Variants in PAK2 observed in about 807,000 individuals in gnomAD.
PAK2 encodes p21 (RAC1) activated kinase 2.
In PAK2, 21 loss-of-function variants were observed where a neutral mutation model predicts 65.9. The ratio of observed to expected loss-of-function variants is 0.32; its 90% CI spans 0.23 to 0.46. The LOEUF is 0.46. PAK2 is among the 20% of genes least tolerant of loss of function. The probability of loss-of-function intolerance (pLI) is 1.00; values close to 1 mark genes in which losing one functional copy is unlikely to be tolerated. For missense variants in PAK2, 324 were observed against 642.6 expected (o/e 0.50, Z 5.36); for synonymous variants, 204 against 219.7 (o/e 0.93, Z 0.63).
At chr3:196,782,959 C>T (rs902215589) in intron 2 of PAK2, 126 bp downstream of exon 2, 3 of 515,816 alleles carry the variant, frequency 5.8e-6, no homozygotes, top group Non-Finnish European at 1.0e-5. Flanking sequence ...AATATACAGG[C>T]ACTATTAAAA....
chr3:196,785,556 G>A (rs994609347), intron 2 of PAK2, among the ~76,000 whole-genome samples: 4 of 152,146 alleles, frequency 2.6e-5, no homozygotes, highest in African/African-American at 7.2e-5. Flanking sequence ...AAAAAACTGA[G>A]CATCTTTTCG....
At chr3:196,766,845 A>G (rs1714184348) in intron 1 of PAK2, among the ~76,000 whole-genome samples, 1 of 149,638 alleles carries the variant, frequency 6.7e-6, no homozygotes, top group African/African-American at 2.5e-5. Context: ...TGTTGAATAT[A>G]TGCAATTTTG....
chr3:196,756,443 C>T (rs1713772162), intron 1 of PAK2, among the ~76,000 whole-genome samples: 2 of 152,148 alleles, frequency 1.3e-5, no homozygotes, highest in Non-Finnish European at 2.9e-5. Context: ...CAGCTTAACT[C>T]ATTTCAGAGT....
chr3:196,796,190 G>A (rs1303829735), intron 2 of PAK2, among the ~76,000 whole-genome samples: 1 of 152,108 alleles, frequency 6.6e-6, no homozygotes, highest in Non-Finnish European at 1.5e-5. Flanking sequence ...TGGGGGCTGG[G>A]GACCCTTGTG....
chr3:196,761,112 CGGCTACTCGGTAA>C (rs1713945659), intron 1 of PAK2, among the ~76,000 whole-genome samples: 1 of 148,792 alleles, frequency 6.7e-6, no homozygotes. Context: ...CCTGTAATCC[CGGCTACTCGGTAA>C]GGCTGAGGCA....
chr3:196,774,685 C>A (rs1292130925), intron 1 of PAK2, among the ~76,000 whole-genome samples: 1 of 152,140 alleles, frequency 6.6e-6, no homozygotes, highest in Non-Finnish European at 1.5e-5. Flanking sequence ...GGCCCTAATG[C>A]CAGAGTTTAG....
intron 3 of PAK2, 110 bp from the exon 4 acceptor site, chr3:196,802,907 C>G: frequency 1.5e-6 from 1 of 655,548 alleles, no homozygotes; most frequent in Non-Finnish European, 2.4e-6. Context: ...TTTACTCAAA[C>G]CTACACTCAA....
chr3:196,748,514 G>A (rs903312496), intron 1 of PAK2, among the ~76,000 whole-genome samples: 1 of 152,102 alleles, frequency 6.6e-6, no homozygotes, highest in African/African-American at 2.4e-5. Flanking sequence ...CCTGGCAACC[G>A]CTGATCCTTT....
chr3:196,793,555 C>A (rs1715145469), intron 2 of PAK2, among the ~76,000 whole-genome samples: 1 of 151,978 alleles, frequency 6.6e-6, no homozygotes, highest in Admixed American at 6.6e-5. Context: ...ATGAAAAACC[C>A]TTTATAAATG....
In PAK2 at chr3:196,831,754, T is replaced by A. The variant is rs1372855501; in HGVS notation, c.*3349T>A. On this transcript the variant is annotated 3_prime_UTR_variant, in exon 15 of 15. Coordinates refer to ENST00000327134, the MANE Select transcript of PAK2 (RefSeq NM_002577.4). ...TAGATGCTTAAAGAATTTGCATCCATTTTTGAGTCTAAATCTTTTAAAATA... is the reference window on the plus strand; with the variant it reads ...TAGATGCTTAAAGAATTTGCATCCAATTTTGAGTCTAAATCTTTTAAAATA... The A allele has an allele frequency of 1.3e-5, 2 of 152,204 alleles. No homozygotes were observed. The highest frequency in any genetic ancestry group is 2.9e-5 in the Non-Finnish European group (2 of 68,024). 9.4% of individuals were successfully genotyped at this position (152,204 alleles called of 1,614,324 possible). A position where few individuals can be genotyped will look rare whatever the true frequency, so the allele number is the denominator to read the frequency against.
chr3:196,793,148 A>G lies in PAK2; in HGVS notation c.188-8779A>G, dbSNP rs556818862. ...CCCCAGGACTCCTCCTTTACACCCC[A>G]CACATCCATGTAAGTGTTATCCCCA... On this transcript the variant is annotated intron_variant, in intron 2 of 14. Coordinates refer to ENST00000327134, the MANE Select transcript of PAK2 (RefSeq NM_002577.4). Among the ~76,000 whole-genome samples the G allele has an allele frequency of 2.0e-5, 3 of 152,302 alleles. No homozygotes were observed. The South Asian group carries it at 6.2e-4, about 32-fold the overall frequency.
At chr3:196,774,690 G>A (rs1714480063) in intron 1 of PAK2, among the ~76,000 whole-genome samples, 1 of 152,206 alleles carries the variant, frequency 6.6e-6, no homozygotes, top group Non-Finnish European at 1.5e-5. Context: ...TAATGCCAGA[G>A]TTTAGTCCTC....
intron 2 of PAK2, among the ~76,000 whole-genome samples, chr3:196,789,097 G>A (rs1362651277): frequency 2.6e-5 from 4 of 152,164 alleles, no homozygotes; most frequent in African/African-American, 7.2e-5. Flanking sequence ...GGTTTTGTTC[G>A]AAGTGTGAGA....
Position 196,810,648 on chromosome 3 carries a change from A to G in PAK2, c.768A>G (p.Gly256=). The change falls in exon 8 of 15, where the codon GGA becomes GGG. Residue 256 remains glycine (G), a synonymous_variant. Transcript: ENST00000327134. ...AATATACAAGATATGAAAAAATTGGACAAGGGTAAGTATTTGTGACTGTAT... is the reference window on the plus strand; with the variant it reads ...AATATACAAGATATGAAAAAATTGGGCAAGGGTAAGTATTTGTGACTGTAT... ...KKKYTRYEKI[G]QGASGTVFTA... The G allele has an allele frequency of 1.4e-6, 2 of 1,447,810 alleles. No individual in the cohort carries two copies. The highest frequency in any genetic ancestry group is 1.9e-6 in the Non-Finnish European group (2 of 1,029,408). 89.7% of individuals were successfully genotyped at this position (1,447,810 alleles called of 1,614,324 possible).
intron 2 of PAK2, 125 bp from the exon 3 acceptor site, chr3:196,801,802 C>G (rs1037393326): frequency 1.0e-5 from 6 of 582,354 alleles, no homozygotes; most frequent in African/African-American, 7.5e-5. Flanking sequence ...CACTGCACTC[C>G]AGCCTGGGCA....
In PAK2 at chr3:196,761,600, C is replaced by A. The variant is rs1482170335; in HGVS notation, c.-21-21026C>A. 1.5e-4 allele frequency among the ~76,000 whole-genome samples: 19 copies of A among 129,176 alleles called. No individual in the cohort carries two copies. The South Asian group carries it at 4.9e-3, about 34-fold the overall frequency. The allele number at this position is 129,176 out of a possible 152,430, so 84.7% of individuals were successfully genotyped here. On this transcript the variant is annotated intron_variant, in intron 1 of 14. Transcript: ENST00000327134. ...AACCATCCGATTTCTCAATCTTTTC[C>A]CCACCTTTCCCGCCTTTCTATTCCA... is the stretch of plus-strand genomic sequence containing the variant.
chr3:196,766,823 A>G (rs1458406691), intron 1 of PAK2, among the ~76,000 whole-genome samples: 20 of 146,462 alleles, frequency 1.4e-4, no homozygotes, highest in African/African-American at 3.8e-4. Context: ...ATATATGTAT[A>G]TCAGATCATC....
chr3:196,808,798 T>C (rs1029206544), intron 7 of PAK2, among the ~76,000 whole-genome samples: 3 of 151,902 alleles, frequency 2.0e-5, no homozygotes, highest in African/African-American at 7.3e-5. Context: ...GAGGCGGAGA[T>C]TGCAGTGAGC....
At position 196,803,010 on chromosome 3, in the gene PAK2, T is replaced by G; in HGVS notation, c.289-7T>G. The G allele has an allele frequency of 6.5e-7, 1 of 1,541,052 alleles. No individual in the cohort carries two copies. The highest frequency in any genetic ancestry group is 8.7e-7 in the Non-Finnish European group (1 of 1,147,966). On this transcript the variant is annotated splice_region_variant and splice_polypyrimidine_tract_variant and intron_variant, in intron 3 of 14. Transcript: ENST00000327134. The stretch of plus-strand genomic sequence containing the variant: ...CCATAACTAATTTCTGAATATCTTC[T>G]TGTTAGGGCATGCCAGAACAGTGGG...
Sources: allele counts gnomAD v4.1 joint callset (sites outside exome capture counted in the v4.1 genomes callset), GRCh38; gene constraint gnomAD v4.1.1; transcripts MANE v1.5; gene names NCBI Gene and HGNC (gene_info 2026-07-23, HGNC 2026-07-21).